Variants in PEX3 observed in about 807,000 individuals in gnomAD.
The protein encoded by PEX3 is peroxisomal biogenesis factor 3, also known as peroxin-3.
A neutral mutation model predicts 55.8 loss-of-function variants in PEX3; 30 were observed. That is an observed-to-expected ratio of 0.54 (90% confidence interval 0.40 to 0.73). The LOEUF (loss-of-function observed/expected upper bound fraction) is 0.73. PEX3 is among the 30% of genes least tolerant of loss of function. The pLI is 0.00. For missense variants in PEX3, 351 were observed against 432.8 expected (o/e 0.81, Z 1.68); for synonymous variants, 135 against 148.4 (o/e 0.91, Z 0.66).
chr6:143,479,061 TCTTA>T lies in PEX3; in HGVS notation c.819-11_819-8del. 2 of 1,515,866 alleles carry T rather than the reference TCTTA, an allele frequency of 1.3e-6. No individual in the cohort carries two copies. Among genetic ancestry groups the T allele is most frequent in the Non-Finnish European group, 1.8e-6 (2 of 1,091,186 alleles). The allele number at this position is 1,515,866 out of a possible 1,614,324, so 93.9% of individuals were successfully genotyped here. ...CAGAGTCTAAAAAGTAACTTATACTTCTTACTTTATATAGCCCAGATTTTAGTAC... is the reference window on the plus strand; with the variant it reads ...CAGAGTCTAAAAAGTAACTTATACTTCTTTATATAGCCCAGATTTTAGTAC... On this transcript the variant is annotated splice_polypyrimidine_tract_variant and intron_variant, in intron 9 of 11. Coordinates refer to ENST00000367591, the MANE Select transcript of PEX3 (RefSeq NM_003630.3). The surrounding 1 kb of genome is among the most constrained non-coding windows in gnomAD (Gnocchi z 4.6).
chr6:143,461,238 T>C (rs141645135), intron 2 of PEX3, among the ~76,000 whole-genome samples: 8 of 152,316 alleles, frequency 5.3e-5, no homozygotes, highest in Non-Finnish European at 1.2e-4. Context: ...CCTGCTTTAC[T>C]GTGCCCATAC....
rs923555959 is a variant in PEX3, at chr6:143,465,879, A to G, written c.288-2243A>G. On this transcript the variant is annotated intron_variant, in intron 3 of 11. Coordinates refer to ENST00000367591, the MANE Select transcript of PEX3 (RefSeq NM_003630.3). This position sits in a 1 kb window ranked among gnomAD's most constrained non-coding sequence, Gnocchi z 4.7. ...TCTTTAAAATTGTAATAGTAACTCA[A>G]TTTCTTGTTGGAATGCAAATTTATG... Among the ~76,000 whole-genome samples the G allele has an allele frequency of 1.3e-5, 2 of 152,068 alleles. No individual in the cohort carries two copies. Among genetic ancestry groups the G allele is most frequent in the African/African-American group, 2.4e-5 (1 of 41,434 alleles).
Position 143,470,976 on chromosome 6 carries a change from C to T in PEX3, c.347C>T (p.Thr116Ile), listed in dbSNP as rs2128746665. ...DLKIISFTRS[T>I]VAVYSTCMLV... ...CTCTGTGAAGGTTTCACAAGAAGTA[C>T]TGTGGCTGTATACAGTACCTGTATG... Residue 116 changes from threonine (T) to isoleucine (I), a missense_variant, in exon 5 of 12, where the codon ACT becomes ATT. Transcript: ENST00000367591. 2 of 1,612,708 alleles carry T rather than the reference C, an allele frequency of 1.2e-6. No individual in the cohort carries two copies. Among genetic ancestry groups the T allele is most frequent in the Non-Finnish European group, 1.7e-6 (2 of 1,178,922 alleles).
At position 143,479,104 on chromosome 6, in the gene PEX3, T is replaced by G. The variant is rs765586652; in HGVS notation, c.847T>G (p.Cys283Gly). ...AGATTTTAGTACAGTTTTGAATACCTGTTTAAACCGAGGTTTTAGTAGACT... is the reference window on the plus strand; with the variant it reads ...AGATTTTAGTACAGTTTTGAATACCGGTTTAAACCGAGGTTTTAGTAGACT... ...SPDFSTVLNT[C>G]LNRGFSRLLD... The change falls in exon 10 of 12, where the codon TGT becomes GGT. Residue 283 changes from cysteine (C) to glycine (G), a missense_variant. By Grantham distance (159) the Cys-to-Gly change is radical (BLOSUM62 -3). Transcript: ENST00000367591. This position sits in a 1 kb window ranked among gnomAD's most constrained non-coding sequence, Gnocchi z 4.6. 2.3e-5 allele frequency: 36 copies of G among 1,584,758 alleles called. No individual in the cohort carries two copies. Among genetic ancestry groups the G allele is most frequent in the Non-Finnish European group, 3.0e-5 (35 of 1,153,682 alleles).
rs1780251340 is a variant in PEX3 at position 143,482,230 on chromosome 6, G to A, written c.942-2922G>A. Among the ~76,000 whole-genome samples, 1 of 151,950 alleles carries A rather than the reference G, an allele frequency of 6.6e-6. No individual in the cohort carries two copies. The highest frequency in any genetic ancestry group is 2.4e-5 in the African/African-American group (1 of 41,376). On this transcript the variant is annotated intron_variant, in intron 10 of 11. Coordinates refer to ENST00000367591, the MANE Select transcript of PEX3 (RefSeq NM_003630.3). This position sits in a 1 kb window ranked among gnomAD's most constrained non-coding sequence, Gnocchi z 5.5. ...CTTTTACTGTTGGATAGCGAAAAAA[G>A]AAAGAAAATAGACAATTTACTGAGT...
At position 143,490,480 on chromosome 6, in the gene PEX3, C is replaced by T. The variant is rs1780370978; in HGVS notation, c.*1254C>T. The stretch of plus-strand genomic sequence containing the variant: ...GGAGCCATAGCCCTCACCATAGACA[C>T]CTCTGAGCCCACTGGCATTGTCTCT... On this transcript the variant is annotated 3_prime_UTR_variant, in exon 12 of 12. Coordinates refer to ENST00000367591, the MANE Select transcript of PEX3 (RefSeq NM_003630.3). This position sits in a 1 kb window ranked among gnomAD's most constrained non-coding sequence, Gnocchi z 6.0. 5 of 265,754 alleles carry T rather than the reference C, an allele frequency of 1.9e-5. No individual in the cohort carries two copies. The South Asian group carries it at 2.0e-4, about 11-fold the overall frequency. The allele number at this position is 265,754 out of a possible 1,614,324, so 16.5% of individuals were successfully genotyped here.
Position 143,471,120 on chromosome 6 carries a change from T to C in PEX3, c.456+35T>C. On this transcript the variant is annotated intron_variant, in intron 5 of 11. Transcript: ENST00000367591. This position sits in a 1 kb window ranked among gnomAD's most constrained non-coding sequence, Gnocchi z 5.4. ...ATAGACTTAAATAGACATTGTTCTT[T>C]CCCTCAGGAGGTTCAAAGTTTAACT... The C allele has an allele frequency of 6.3e-7, 1 of 1,599,676 alleles. No homozygotes were observed.
intron 2 of PEX3, among the ~76,000 whole-genome samples, chr6:143,460,010 C>G (rs35477783): frequency 6.6e-6 from 1 of 152,194 alleles, no homozygotes; most frequent in East Asian, 1.9e-4. Flanking sequence ...ACTGGCATAA[C>G]TGAAGAATTA....
At position 143,485,178 on chromosome 6, in the gene PEX3, CTAAGA is replaced by C; in HGVS notation, c.972_976del (p.Lys324AsnfsTer14). ...CTTTCCAGTGTCAGCCTGCCTTTAG[CTAAGA>C]TAATTCCAATAGTAAACGGACAGAT... On this transcript the variant is annotated frameshift_variant, in exon 11 of 12. Coordinates refer to ENST00000367591, the MANE Select transcript of PEX3 (RefSeq NM_003630.3). LOFTEE classifies it high-confidence loss of function. The surrounding 1 kb of genome is among the most constrained non-coding windows in gnomAD (Gnocchi z 5.6). 4 of 1,603,518 alleles carry C rather than the reference CTAAGA, an allele frequency of 2.5e-6. No homozygotes were observed. The highest frequency in any genetic ancestry group is 3.4e-6 in the Non-Finnish European group (4 of 1,170,730).
chr6:143,451,222 G>A lies in PEX3; in HGVS notation c.73+107G>A, dbSNP rs1423997379. The A allele has an allele frequency of 2.0e-5, 17 of 848,552 alleles. No homozygotes were observed. The highest frequency in any genetic ancestry group is 1.9e-4 in the Admixed American group (11 of 57,638). 52.6% of individuals were successfully genotyped at this position (848,552 alleles called of 1,614,324 possible). ...GCGATCCTAGTCTGGGATATGTAGA[G>A]GGAGTTCGATCAACCATGGGATGAA... On this transcript the variant is annotated intron_variant, in intron 1 of 11. Transcript: ENST00000367591. This position sits in a 1 kb window ranked among gnomAD's most constrained non-coding sequence, Gnocchi z 4.1.
rs1335350862 is a variant in PEX3 at position 143,475,936 on chromosome 6, T to A, written c.818+1080T>A. 6.6e-6 allele frequency among the ~76,000 whole-genome samples: 1 copy of A among 152,262 alleles called. No homozygotes were observed. Among genetic ancestry groups the A allele is most frequent in the Non-Finnish European group, 1.5e-5 (1 of 68,050 alleles). On this transcript the variant is annotated intron_variant, in intron 9 of 11. Transcript: ENST00000367591. The surrounding 1 kb of genome is among the most constrained non-coding windows in gnomAD (Gnocchi z 4.4). The stretch of plus-strand genomic sequence containing the variant: ...GCTGTCTGTGGTATATTAGGTACTG[T>A]TCTAAATGCTAGGTCTTCATCCCTA...
In PEX3 at chr6:143,471,669, T is replaced by A. The variant is rs1405904297; in HGVS notation, c.578+58T>A. On this transcript the variant is annotated intron_variant, in intron 7 of 11. Transcript: ENST00000367591. This position sits in a 1 kb window ranked among gnomAD's most constrained non-coding sequence, Gnocchi z 5.4. ...TTGATTCTAATGAGTGAAAGAAAATTAGAATTGTTCTAGTGAAACCAGTGA... is the reference window on the plus strand; with the variant it reads ...TTGATTCTAATGAGTGAAAGAAAATAAGAATTGTTCTAGTGAAACCAGTGA... The A allele has an allele frequency of 1.6e-6, 2 of 1,239,742 alleles. No homozygotes were observed. Among genetic ancestry groups the A allele is most frequent in the Non-Finnish European group, 2.4e-6 (2 of 840,160 alleles). 76.8% of individuals were successfully genotyped at this position (1,239,742 alleles called of 1,614,324 possible).
chr6:143,475,207 ATGTTCATCTTACT>A lies in PEX3; in HGVS notation c.818+354_818+366del, dbSNP rs1410940604. 2.0e-5 allele frequency among the ~76,000 whole-genome samples: 3 copies of A among 152,154 alleles called. No individual in the cohort carries two copies. The highest frequency in any genetic ancestry group is 4.4e-5 in the Non-Finnish European group (3 of 68,028). On this transcript the variant is annotated intron_variant, in intron 9 of 11. Coordinates refer to ENST00000367591, the MANE Select transcript of PEX3 (RefSeq NM_003630.3). This position sits in a 1 kb window ranked among gnomAD's most constrained non-coding sequence, Gnocchi z 4.4. ...TTTTGCCATATCCAATGAACCTGTAATGTTCATCTTACTTGACCTTTCTCTGATATTTGACACT... is the reference window on the plus strand; with the variant it reads ...TTTTGCCATATCCAATGAACCTGTAATGACCTTTCTCTGATATTTGACACT...
rs951065630 is a variant in PEX3 at position 143,450,862 on chromosome 6, G to C, written c.-181G>C. 1.3e-6 allele frequency: 1 copy of C among 771,198 alleles called. No homozygotes were observed. Among genetic ancestry groups the C allele is most frequent in the African/African-American group, 1.7e-5 (1 of 58,736 alleles). 47.8% of individuals were successfully genotyped at this position (771,198 alleles called of 1,614,324 possible). ...CAGAAAGCGTAGCTGCTTTGCTGTA[G>C]TCCACGCCCCCTTGCCGCTCCGGTG... On this transcript the variant is annotated 5_prime_UTR_variant, in exon 1 of 12. Transcript: ENST00000367591.
chr6:143,471,146 T>C lies in PEX3; in HGVS notation c.456+61T>C, dbSNP rs1233954918. The C allele has an allele frequency of 1.9e-5, 27 of 1,400,520 alleles. No homozygotes were observed. Among genetic ancestry groups the C allele is most frequent in the Non-Finnish European group, 2.7e-5 (27 of 988,432 alleles). 86.8% of individuals were successfully genotyped at this position (1,400,520 alleles called of 1,614,324 possible). A position where few individuals can be genotyped will look rare whatever the true frequency, so the allele number is the denominator to read the frequency against. On this transcript the variant is annotated intron_variant, in intron 5 of 11. Transcript: ENST00000367591. This position sits in a 1 kb window ranked among gnomAD's most constrained non-coding sequence, Gnocchi z 5.4. The stretch of plus-strand genomic sequence containing the variant: ...CCCTCAGGAGGTTCAAAGTTTAACT[T>C]ATTTATCCTGATAACAATTTCTATG...
Position 143,462,922 on chromosome 6 carries a change from C to T in PEX3, c.212C>T (p.Ser71Phe), listed in dbSNP as rs561349643. ...NQRTCNMTVL[S>F]MLPTLREALM... ...TTTTTTGTTTGTATTACAGTGCTGT[C>T]CATGCTTCCAACACTGAGAGAGGCC... The change falls in exon 3 of 12, where the codon TCC (serine) becomes TTC (phenylalanine). Residue 71 changes from serine (S) to phenylalanine (F), a missense_variant. Physicochemically the swap from Ser to Phe is radical, Grantham distance 155 (BLOSUM62 -2). Transcript: ENST00000367591. This position sits in a 1 kb window ranked among gnomAD's most constrained non-coding sequence, Gnocchi z 4.1. The T allele has an allele frequency of 1.7e-5, 28 of 1,611,938 alleles. 2 individuals carry two copies. In the South Asian group the frequency reaches 3.1e-4, roughly 18 times the overall value.
rs144773982 is a variant in PEX3 at position 143,462,168 on chromosome 6, T to C, written c.206-748T>C. ...ATGAAGTTTTTTTCCCATAGATTGC[T>C]AGTCTCATTTCATCTTCACATTATT... is the stretch of plus-strand genomic sequence containing the variant. On this transcript the variant is annotated intron_variant, in intron 2 of 11. Transcript: ENST00000367591. The surrounding 1 kb of genome is among the most constrained non-coding windows in gnomAD (Gnocchi z 4.1). Among the ~76,000 whole-genome samples, 1 of 152,300 alleles carries C rather than the reference T, an allele frequency of 6.6e-6. No individual in the cohort carries two copies. The highest frequency in any genetic ancestry group is 2.4e-5 in the African/African-American group (1 of 41,566).
chr6:143,488,314 T>C lies in PEX3; in HGVS notation c.1039-829T>C, dbSNP rs1000359481. On this transcript the variant is annotated intron_variant, in intron 11 of 11. Transcript: ENST00000367591. This position sits in a 1 kb window ranked among gnomAD's most constrained non-coding sequence, Gnocchi z 4.9. ...AGACTGGTGAAGCCTATGGACCCCT[T>C]CTCAGAACAATATTTATAAGTGCAT... Among the ~76,000 whole-genome samples, 2 of 152,108 alleles carry C rather than the reference T, an allele frequency of 1.3e-5. No homozygotes were observed. Among genetic ancestry groups the C allele is most frequent in the African/African-American group, 4.8e-5 (2 of 41,446 alleles).
Position 143,476,129 on chromosome 6 carries a change from T to C in PEX3, c.818+1273T>C, listed in dbSNP as rs1279084243. Among the ~76,000 whole-genome samples, 3 of 152,212 alleles carry C rather than the reference T, an allele frequency of 2.0e-5. No individual in the cohort carries two copies. The highest frequency in any genetic ancestry group is 4.8e-5 in the African/African-American group (2 of 41,454). On this transcript the variant is annotated intron_variant, in intron 9 of 11. Coordinates refer to ENST00000367591, the MANE Select transcript of PEX3 (RefSeq NM_003630.3). The surrounding 1 kb of genome is among the most constrained non-coding windows in gnomAD (Gnocchi z 5.4). ...GTCAGAAAAGGCCTCTTTGAGGAGA[T>C]GTCATTTGAGCAGAGACCTGAATAT...
Sources: allele counts gnomAD v4.1 joint callset (sites outside exome capture counted in the v4.1 genomes callset), GRCh38; gene constraint gnomAD v4.1.1; non-coding constraint Gnocchi (gnomAD v3.1); transcripts MANE v1.5; gene names NCBI Gene and HGNC (gene_info 2026-07-23, HGNC 2026-07-21).